Variants in MARF1 observed in about 807,000 individuals in gnomAD.
The protein encoded by MARF1 is meiosis regulator and mRNA stability factor 1, also known as limkain-b1.
MARF1 carries 24 observed loss-of-function variants against 168.2 expected under a neutral mutation model. The ratio of observed to expected loss-of-function variants is 0.14; its 90% confidence interval spans 0.10 to 0.20. MARF1 has a LOEUF of 0.20. MARF1 is among the 10% of genes least tolerant of loss of function. The pLI, the probability that MARF1 is intolerant of heterozygous loss-of-function variation, is 1.00. For missense variants in MARF1, 1,744 were observed against 2,143.6 expected (o/e 0.81, Z 3.68); for synonymous variants, 868 against 822.4 (o/e 1.06, Z -0.95).
intron 18 of MARF1, among the ~76,000 whole-genome samples, 167 bp downstream of exon 18, chr16:15,611,425 C>T (rs899587040): frequency 1.5e-5 from 2 of 130,312 alleles, no homozygotes; most frequent in African/African-American, 2.9e-5. Flanking sequence ...TGCCACTGGG[C>T]GACAGAGCGA....
chr16:15,609,655 T>C lies in MARF1; in HGVS notation c.3822A>G (p.Gln1274=), dbSNP rs368620760. Residue 1274 remains glutamine (Q), a synonymous_variant, in exon 20 of 27, where the codon CAA becomes CAG. Coordinates refer to ENST00000396368, the MANE Select transcript of MARF1 (RefSeq NM_014647.4). ...SKDVVDLLRH[Q]PHFRMPFNKF... ...TATTAAAGGGCATCCGGAAATGGGG[T>C]TGGTGACGCAGCAAATCAACGACAT... The C allele has an allele frequency of 3.8e-5, 61 of 1,613,924 alleles. No individual in the cohort carries two copies. Among genetic ancestry groups the C allele is most frequent in the Non-Finnish European group, 5.0e-5 (59 of 1,180,018 alleles).
rs2034725352 is a variant in MARF1, at chr16:15,624,849, C to G, written c.2190G>C (p.Val730=). ...KKDKEETVFQ[V]SYPSAFSKLV... ...ACTTGCTAAAAGCAGACGGGTAACT[C>G]ACTTGGAATACAGTCTCCTCTTTAT... The change falls in exon 10 of 27, where the codon GTG becomes GTC. Residue 730 remains valine (V), a synonymous_variant. Coordinates refer to ENST00000396368, the MANE Select transcript of MARF1 (RefSeq NM_014647.4). 1 of 1,614,092 alleles carries G rather than the reference C, an allele frequency of 6.2e-7. No individual in the cohort carries two copies. Among genetic ancestry groups the G allele is most frequent in the South Asian group, 1.1e-5 (1 of 91,088 alleles).
chr16:15,596,699 C>T lies in MARF1; in HGVS notation c.5223G>A (p.Lys1741=). 6.3e-7 allele frequency: 1 copy of T among 1,583,140 alleles called. No homozygotes were observed. The highest frequency in any genetic ancestry group is 8.6e-7 in the Non-Finnish European group (1 of 1,158,910). The change falls in exon 27 of 27, where the codon AAG becomes AAA. Residue 1741 remains lysine (K), a synonymous_variant. Coordinates refer to ENST00000396368, the MANE Select transcript of MARF1 (RefSeq NM_014647.4). Reference sequence around the variant, plus strand: ...TCTATATTCCAAATGGGAGTTAAAGCTTGGTTATAGGTGCTAAGGAAAAGT... The same window carrying T: ...TCTATATTCCAAATGGGAGTTAAAGTTTGGTTATAGGTGCTAAGGAAAAGT... ...AANFSLAPIT[K]L
intron 22 of MARF1, chr16:15,602,532 T>TG (rs2032575047): frequency 1.9e-6 from 1 of 516,522 alleles, no homozygotes; most frequent in Non-Finnish European, 3.6e-6. Context: ...AAGACGACGA[T>TG]AAAGAAGACG....
At chr16:15,640,385 A>C (rs1473079446) in intron 1 of MARF1, among the ~76,000 whole-genome samples, 1 of 152,234 alleles carries the variant, frequency 6.6e-6, no homozygotes, top group Non-Finnish European at 1.5e-5. Context: ...TCTACGCCAG[A>C]GCAACAACAC....
intron 7 of MARF1, 145 bp from the exon 8 acceptor site, chr16:15,625,945 ATTTAGTG>A: frequency 1.5e-6 from 1 of 651,402 alleles, no homozygotes; most frequent in Non-Finnish European, 2.6e-6. Flanking sequence ...AGGGTAAATT[ATTTAGTG>A]TTGACAAAGT....
intron 10 of MARF1, 106 bp from the exon 11 acceptor site, chr16:15,623,229 C>A: frequency 6.6e-6 from 4 of 610,400 alleles, no homozygotes; most frequent in Non-Finnish European, 9.8e-6. Context: ...AGATTTTCCA[C>A]AACACAACCA....
intron 21 of MARF1, among the ~76,000 whole-genome samples, chr16:15,607,144 C>A (rs1018904801): frequency 6.6e-6 from 1 of 152,174 alleles, no homozygotes. Flanking sequence ...CCTGGTTGTG[C>A]TTCCTGCTCT....
chr16:15,623,657 C>G (rs1055185660), intron 10 of MARF1, among the ~76,000 whole-genome samples: 1 of 152,094 alleles, frequency 6.6e-6, no homozygotes, highest in Non-Finnish European at 1.5e-5. Context: ...TTACCGCCAA[C>G]CAATTAATAT....
At chr16:15,634,424 T>C (rs765359694) in intron 4 of MARF1, among the ~76,000 whole-genome samples, 1 of 152,238 alleles carries the variant, frequency 6.6e-6, no homozygotes, top group Non-Finnish European at 1.5e-5. Flanking sequence ...CATTAGTAAA[T>C]TGTTCTAAGC....
chr16:15,623,795 T>C (rs1414957253), intron 10 of MARF1, among the ~76,000 whole-genome samples: 1 of 152,198 alleles, frequency 6.6e-6, no homozygotes, highest in Non-Finnish European at 1.5e-5. Flanking sequence ...TAACCTCCTC[T>C]GTGTCTCTGA....
In MARF1 at chr16:15,639,162, A is replaced by G; in HGVS notation, c.72T>C (p.Ala24=). The change falls in exon 2 of 27, where the codon GCT becomes GCC. Residue 24 remains alanine (A), a synonymous_variant. Transcript: ENST00000396368. ...TRGWLQQDND[A]KPWLWKFSNC... Reference sequence around the variant, plus strand: ...TAGAGAATTTCCAAAGCCATGGCTTAGCATCATTATCTTGTTGAAGCCATC... The same window carrying G: ...TAGAGAATTTCCAAAGCCATGGCTTGGCATCATTATCTTGTTGAAGCCATC... The G allele has an allele frequency of 6.2e-7, 1 of 1,614,174 alleles. No individual in the cohort carries two copies. Among genetic ancestry groups the G allele is most frequent in the Non-Finnish European group, 8.5e-7 (1 of 1,179,994 alleles).
At chr16:15,616,455 TGCA>T (rs575578976) in intron 15 of MARF1, among the ~76,000 whole-genome samples, 249 of 152,334 alleles carry the variant, frequency 1.6e-3, no homozygotes, top group Non-Finnish European at 2.5e-3. Flanking sequence ...AGATTTCGAC[TGCA>T]GCACTTATGA....
intron 26 of MARF1, among the ~76,000 whole-genome samples, 178 bp downstream of exon 26, chr16:15,598,676 T>C (rs374805943): frequency 6.6e-6 from 1 of 151,850 alleles, no homozygotes. Context: ...AACCTCAGGC[T>C]GTGCATCCCA....
chr16:15,609,871 T>C (rs2151092306), intron 19 of MARF1, 146 bp from the exon 20 acceptor site: 2 of 667,202 alleles, frequency 3.0e-6, no homozygotes, highest in Non-Finnish European at 5.1e-6. Flanking sequence ...CAAACACATA[T>C]ACTCTTCCCT....
chr16:15,625,869 C>T lies in MARF1; in HGVS notation c.1525-69G>A, dbSNP rs566045478. The T allele has an allele frequency of 7.2e-5, 92 of 1,272,896 alleles. 2 individuals carry two copies. The South Asian group carries it at 1.2e-3, about 16-fold the overall frequency. 78.9% of individuals were successfully genotyped at this position (1,272,896 alleles called of 1,614,324 possible). A position where few individuals can be genotyped will look rare whatever the true frequency, so the allele number is the denominator to read the frequency against. On this transcript the variant is annotated intron_variant, in intron 7 of 26. Coordinates refer to ENST00000396368, the MANE Select transcript of MARF1 (RefSeq NM_014647.4). ...CACACATTCAATTTCAAAATAAGAA[C>T]AATGGGTGACCTCCAAACTTCAGTT...
At chr16:15,638,876 C>T (rs2035767091) in intron 2 of MARF1, among the ~76,000 whole-genome samples, 1 of 152,126 alleles carries the variant, frequency 6.6e-6, no homozygotes. Flanking sequence ...ATTAAATATT[C>T]AAGGCATCTA....
intron 5 of MARF1, among the ~76,000 whole-genome samples, chr16:15,632,124 T>C (rs571305514): frequency 6.6e-6 from 1 of 152,350 alleles, no homozygotes; most frequent in African/African-American, 2.4e-5. Context: ...ACTGGGTTTG[T>C]GACTAACCCT....
chr16:15,597,490 GCTTCTGGACTGC>G (rs2031851511), intron 26 of MARF1, among the ~76,000 whole-genome samples: 1 of 152,224 alleles, frequency 6.6e-6, no homozygotes, highest in African/African-American at 2.4e-5. Flanking sequence ...TTCCCACAGT[GCTTCTGGACTGC>G]CATTTCTGTG....
Sources: allele counts gnomAD v4.1 joint callset (sites outside exome capture counted in the v4.1 genomes callset), GRCh38; gene constraint gnomAD v4.1.1; transcripts MANE v1.5; gene names NCBI Gene and HGNC (gene_info 2026-07-23, HGNC 2026-07-21).